The following ANK2 variants were observed in gnomAD, a reference collection of about 807,000 sequenced individuals.
The protein encoded by ANK2 is ankyrin-2.
In ANK2, 83 loss-of-function variants were observed where a neutral mutation model predicts 360.5. The observed-to-expected ratio is 0.23, with a 90% CI of 0.19 to 0.28. The LOEUF (loss-of-function observed/expected upper bound fraction) is 0.28, where lower values mean the gene tolerates loss of function less well. ANK2 is among the 10% of genes least tolerant of loss of function. The pLI, the probability that ANK2 is intolerant of heterozygous loss-of-function variation, is 1.00. For synonymous variants in ANK2, 1,740 were observed against 1,759.5 expected (o/e 0.99, Z 0.28); for missense variants, 4,201 against 4,795.7 (o/e 0.88, Z 3.66).
rs2153405587 is a variant in ANK2, at chr4:113,199,084, G to C, written c.359G>C (p.Gly120Ala). Residue 120 changes from glycine to alanine, a missense_variant, in exon 4 of 46, where the codon GGA becomes GCA. This residue lies in a region of ANK2 where 169 missense variants were observed against 191.1 expected (regional missense o/e 0.88). Transcript: ENST00000357077. The part of the protein sequence containing the change: ...AEVVKVLVKE[G>A]ANINAQSQNG... ...GTTGTCAAAGTTCTTGTTAAGGAAG[G>C]AGCCAATATTAATGCACAGTCTCAG... 1 of 1,612,410 alleles carries C rather than the reference G, an allele frequency of 6.2e-7. No homozygotes were observed. Among genetic ancestry groups the C allele is most frequent in the Non-Finnish European group, 8.5e-7 (1 of 1,178,672 alleles).
chr4:113,029,842 T>C (rs954387943), intron 2 of ANK2, among the ~76,000 whole-genome samples: 4 of 152,114 alleles, frequency 2.6e-5, no homozygotes, highest in East Asian at 1.9e-4. Flanking sequence ...GAGATGTCTA[T>C]TGACCTTTTC....
intron 26 of ANK2, among the ~76,000 whole-genome samples, chr4:113,323,098 T>C (rs905257743): frequency 3.3e-5 from 5 of 152,068 alleles, no homozygotes; most frequent in Non-Finnish European, 7.4e-5. Context: ...AGCAGACTCA[T>C]AGGTAGAAGA....
the ANK2 span, among the ~76,000 whole-genome samples, chr4:112,787,030 T>C: frequency 6.6e-6 from 1 of 152,194 alleles, no homozygotes; most frequent in Non-Finnish European, 1.5e-5. Context: ...ATTACAGGTG[T>C]GAGCCATCAC....
At chr4:113,316,359 A>G (rs1317198063) in intron 24 of ANK2, among the ~76,000 whole-genome samples, 1 of 152,226 alleles carries the variant, frequency 6.6e-6, no homozygotes, top group African/African-American at 2.4e-5. Context: ...AATAAGAAGG[A>G]GAAGGTCCTG....
intron 1 of ANK2, among the ~76,000 whole-genome samples, chr4:112,849,961 G>C (rs2064265397): frequency 6.6e-6 from 1 of 152,164 alleles, no homozygotes; most frequent in South Asian, 2.1e-4. Context: ...AGAACAAAAA[G>C]GTGAAGGAAG....
rs1287394438 is a variant in ANK2, at chr4:112,970,938, C to T, written c.21+66424C>T. Among the ~76,000 whole-genome samples, 5 of 152,178 alleles carry T rather than the reference C, an allele frequency of 3.3e-5. No individual in the cohort carries two copies. In the East Asian group the frequency reaches 9.7e-4, roughly 29 times the overall value. ...TTCCACAATGCATAATATTTCAAAA[C>T]ATCATGTTGCACATCATAAATATAT... On this transcript the variant is annotated intron_variant, in intron 2 of 30. Coordinates refer to the ANK2 transcript ENST00000503271.
chr4:112,723,381 G>A, the ANK2 span, among the ~76,000 whole-genome samples: 1 of 151,814 alleles, frequency 6.6e-6, no homozygotes. Context: ...AAGCAGGGTG[G>A]GCAGGACGGA....
intron 1 of ANK2, among the ~76,000 whole-genome samples, chr4:112,873,981 A>AT (rs1454692705): frequency 1.3e-5 from 2 of 151,914 alleles, no homozygotes; most frequent in African/African-American, 4.8e-5. Context: ...TGTGAAAGTG[A>AT]TTTAATAAAT....
At position 113,369,373 on chromosome 4, in the gene ANK2, T is replaced by A; in HGVS notation, c.11319-141T>A. 6 of 879,014 alleles carry A rather than the reference T, an allele frequency of 6.8e-6. No homozygotes were observed. The South Asian group carries it at 8.3e-5, about 12-fold the overall frequency. 54.5% of individuals were successfully genotyped at this position (879,014 alleles called of 1,614,324 possible). A position where few individuals can be genotyped will look rare whatever the true frequency, so the allele number is the denominator to read the frequency against. On this transcript the variant is annotated intron_variant, in intron 42 of 45. Transcript: ENST00000357077. ...CATATTATTTTTCTTCAAATGTCCTTTCTTGGCCAAATGTACAAAAACTAT... is the reference window on the plus strand; with the variant it reads ...CATATTATTTTTCTTCAAATGTCCTATCTTGGCCAAATGTACAAAAACTAT...
At chr4:112,738,560 C>A in the ANK2 span, 9 of 414,992 alleles carry the variant, frequency 2.2e-5, no homozygotes, top group Non-Finnish European at 3.2e-5. Context: ...CTAGCAGGAA[C>A]CTTAACCTAG....
rs139007578 is a variant in ANK2, at chr4:113,357,779, C to T, written c.9161C>T (p.Ala3054Val). ...AGTGAAATTCGGGAAGACGATGAAG[C>T]CTTTGAGGCTCGTGTGAAAGAGGAA... ...SWSEIREDDE[A>V]FEARVKEEEQ... The change falls in exon 38 of 46, where the codon GCC becomes GTC. Residue 3054 changes from alanine (A) to valine (V), a missense_variant. Around this residue, in one of 4 missense-constraint regions of ANK2, gnomAD observed 2,642 missense variants for 2,714.5 expected, o/e 0.97. Transcript: ENST00000357077. 4.3e-6 allele frequency: 7 copies of T among 1,613,976 alleles called. No homozygotes were observed. Among genetic ancestry groups the T allele is most frequent in the African/African-American group, 4.0e-5 (3 of 75,016 alleles).
At chr4:113,112,992 G>T (rs1222326411) in intron 1 of ANK2, among the ~76,000 whole-genome samples, 1 of 152,136 alleles carries the variant, frequency 6.6e-6, no homozygotes, top group African/African-American at 2.4e-5. Context: ...TGGCTTTTGG[G>T]TTTGGCTTCA....
At chr4:112,810,147 ATATATATATATATTTTTTT>A in the ANK2 span, among the ~76,000 whole-genome samples, 1,852 of 60,850 alleles carry the variant, frequency 0.03, 18 homozygotes, top group Non-Finnish European at 0.039. Context: ...ATATATATAT[ATATATATATATATTTTTTT>A]TTTTTTTTTT....
intron 20 of ANK2, among the ~76,000 whole-genome samples, chr4:113,290,162 GT>G (rs201484217): frequency 3.5e-5 from 5 of 144,530 alleles, no homozygotes; most frequent in South Asian, 4.4e-4. Context: ...TATCATTTCA[GT>G]TTTTTTTGTT....
intron 23 of ANK2, among the ~76,000 whole-genome samples, chr4:113,307,345 C>G (rs2077666632): frequency 6.6e-6 from 1 of 151,142 alleles, no homozygotes; most frequent in South Asian, 2.1e-4. Flanking sequence ...GGAGTGGGTT[C>G]CGTAACGTTT....
the ANK2 span, among the ~76,000 whole-genome samples, chr4:112,786,935 G>C: frequency 2.0e-5 from 3 of 151,790 alleles, no homozygotes; most frequent in Non-Finnish European, 2.9e-5. Flanking sequence ...ATTTAGTAGA[G>C]ATGGGGATTC....
At chr4:112,986,777 TG>T (rs893129863) in intron 2 of ANK2, among the ~76,000 whole-genome samples, 15 of 152,162 alleles carry the variant, frequency 9.9e-5, no homozygotes, top group Admixed American at 7.9e-4. Flanking sequence ...TAATAGGTAA[TG>T]GAGTAGGGGT....
chr4:113,059,492 C>T (rs1385038871), intron 1 of ANK2, among the ~76,000 whole-genome samples: 1 of 152,046 alleles, frequency 6.6e-6, no homozygotes, highest in African/African-American at 2.4e-5. Flanking sequence ...TCAAAAGAGA[C>T]TGTATAAATA....
At chr4:113,153,354 A>G (rs1016913875) in intron 1 of ANK2, among the ~76,000 whole-genome samples, 1 of 152,218 alleles carries the variant, frequency 6.6e-6, no homozygotes, top group Non-Finnish European at 1.5e-5. Flanking sequence ...GATATTAGAA[A>G]GCATCTTCTA....
Sources: gnomAD v4.1 joint callset for allele counts (sites outside exome capture counted in the v4.1 genomes callset) on GRCh38, gnomAD v4.1.1 for gene constraint, gnomAD v4.1.1 regional missense constraint, MANE v1.5 for transcripts, NCBI Gene and HGNC (gene_info 2026-07-23, HGNC 2026-07-21) for gene names.